The following SLC22A23 variants were observed in gnomAD, a reference collection of about 807,000 sequenced individuals.
SLC22A23 encodes the protein solute carrier family 22 member 23, also known as ion transporter protein.
SLC22A23 carries 26 observed loss-of-function variants against 61.0 expected under a neutral mutation model. That is an observed-to-expected ratio of 0.43 (90% CI 0.31 to 0.59). The LOEUF (loss-of-function observed/expected upper bound fraction) is 0.59, where lower values mean the gene tolerates loss of function less well. Among genes scored for constraint, SLC22A23 ranks in the 20% least tolerant of loss-of-function variants. The probability of loss-of-function intolerance (pLI) is 0.11; values close to 1 mark genes in which losing one functional copy is unlikely to be tolerated. For synonymous variants in SLC22A23, 430 were observed against 413.9 expected, an observed-to-expected ratio of 1.04 and a Z score of -0.47; for missense variants, 796 against 934.7, an observed-to-expected ratio of 0.85 and a Z score of 1.94.
At chr6:3,337,573 A>C (rs1191525446) in intron 3 of SLC22A23, among the ~76,000 whole-genome samples, 2 of 152,194 alleles carry the variant, frequency 1.3e-5, no homozygotes, top group Admixed American at 6.5e-5. Context: ...GCTAGATTTC[A>C]AGCCCAGGCT....
chr6:3,382,618 G>A (rs1410308015), intron 3 of SLC22A23, among the ~76,000 whole-genome samples: 4 of 152,184 alleles, frequency 2.6e-5, no homozygotes, highest in African/African-American at 4.8e-5. Flanking sequence ...ATAGCCTGTG[G>A]GACAAATTTG....
intron 4 of SLC22A23, among the ~76,000 whole-genome samples, chr6:3,319,160 T>G (rs1762807129): frequency 1.3e-5 from 2 of 152,198 alleles, no homozygotes; most frequent in Non-Finnish European, 2.9e-5. Context: ...CTTTGTAGAA[T>G]AAGCCCGTGC....
chr6:3,413,724 A>G (rs1271257940), intron 2 of SLC22A23, among the ~76,000 whole-genome samples: 1 of 152,226 alleles, frequency 6.6e-6, no homozygotes, highest in Admixed American at 6.5e-5. Flanking sequence ...CAGCCATGAA[A>G]CAGGGCCCAT....
chr6:3,286,661 G>A lies in SLC22A23; in HGVS notation c.1546+198C>T, dbSNP rs112429103. 5.9e-5 allele frequency among the ~76,000 whole-genome samples: 9 copies of A among 152,338 alleles called. 1 individual carries two copies. Among genetic ancestry groups the A allele is most frequent in the African/African-American group, 2.2e-4 (9 of 41,564 alleles). ...GCAGCCCGGGCCGGGGCAGGGGCAG[G>A]GGGAGGCGGGAAGGCCCAGTGCCCT... On this transcript the variant is annotated intron_variant, in intron 7 of 9. Transcript: ENST00000406686. The surrounding 1 kb of genome is among the most constrained non-coding windows in gnomAD (Gnocchi z 4.2).
chr6:3,418,697 C>T (rs1284922487), intron 1 of SLC22A23, among the ~76,000 whole-genome samples: 1 of 152,202 alleles, frequency 6.6e-6, no homozygotes, highest in African/African-American at 2.4e-5. Context: ...TTAAACCCTC[C>T]TCAACTAGGC....
At chr6:3,356,173 T>A in intron 3 of SLC22A23, among the ~76,000 whole-genome samples, 1 of 59,732 alleles carries the variant, frequency 1.7e-5, no homozygotes. Flanking sequence ...CAGATACACG[T>A]GACATCAGAA....
chr6:3,349,232 C>T (rs1764623395), intron 3 of SLC22A23, among the ~76,000 whole-genome samples: 1 of 152,226 alleles, frequency 6.6e-6, no homozygotes, highest in Non-Finnish European at 1.5e-5. Flanking sequence ...GCCCTAGCCA[C>T]CAAGCAGCTC....
At chr6:3,412,712 G>T (rs958454353) in intron 2 of SLC22A23, among the ~76,000 whole-genome samples, 1 of 152,176 alleles carries the variant, frequency 6.6e-6, no homozygotes, top group African/African-American at 2.4e-5. Flanking sequence ...TAAGCTTAAG[G>T]ACCCTGAGAT....
intron 1 of SLC22A23, chr6:3,444,949 G>T (rs906259870): frequency 1.0e-6 from 1 of 985,462 alleles, no homozygotes; most frequent in Non-Finnish European, 1.2e-6. Context: ...GACTCATCCC[G>T]GTCGTCCTCA....
rs1250077889 is a variant in SLC22A23, at chr6:3,454,844, G to A, written c.654+1062C>T. On this transcript the variant is annotated intron_variant, in intron 1 of 9. Transcript: ENST00000406686. This position sits in a 1 kb window ranked among gnomAD's most constrained non-coding sequence, Gnocchi z 4.3. Reference sequence around the variant, plus strand: ...AACTGTTAACCAATGCACACGGGGGGAGGAGGTTACATGCACATTGACTAT... The same window carrying A: ...AACTGTTAACCAATGCACACGGGGGAAGGAGGTTACATGCACATTGACTAT... 6.6e-6 allele frequency among the ~76,000 whole-genome samples: 1 copy of A among 152,220 alleles called. No individual in the cohort carries two copies. The highest frequency in any genetic ancestry group is 1.5e-5 in the Non-Finnish European group (1 of 68,040).
intron 3 of SLC22A23, among the ~76,000 whole-genome samples, chr6:3,349,944 G>A (rs1764666732): frequency 1.3e-5 from 2 of 152,288 alleles, no homozygotes; most frequent in South Asian, 4.1e-4. Flanking sequence ...GATGATCACG[G>A]TCGCCTTCAT....
At chr6:3,401,264 G>A (rs1024869766) in intron 3 of SLC22A23, among the ~76,000 whole-genome samples, 1 of 152,324 alleles carries the variant, frequency 6.6e-6, no homozygotes, top group Non-Finnish European at 1.5e-5. Context: ...CTTGAACCTG[G>A]GAGATGGAGG....
chr6:3,439,059 G>GT (rs1771410595), intron 1 of SLC22A23, among the ~76,000 whole-genome samples: 1 of 147,776 alleles, frequency 6.8e-6, no homozygotes, highest in Admixed American at 6.6e-5. Context: ...CAAACTTGCC[G>GT]TATTTGGGGC....
At chr6:3,290,078 C>A in intron 5 of SLC22A23, 3 of 586,364 alleles carry the variant, frequency 5.1e-6, no homozygotes, top group Non-Finnish European at 6.1e-6. Flanking sequence ...AGGTTTCGCT[C>A]GGGTGCCTGA....
chr6:3,269,107 C>T lies in SLC22A23; in HGVS notation c.*3948G>A, dbSNP rs2127268873. Reference sequence around the variant, plus strand: ...ATTCATTTCTTGACGTCTCTAGGAACCTTCAGGCCACGGATCAGCAGAACA... The same window carrying T: ...ATTCATTTCTTGACGTCTCTAGGAATCTTCAGGCCACGGATCAGCAGAACA... On this transcript the variant is annotated 3_prime_UTR_variant, in exon 10 of 10. Transcript: ENST00000406686. The T allele has an allele frequency of 6.6e-6, 1 of 152,410 alleles. No individual in the cohort carries two copies. Among genetic ancestry groups the T allele is most frequent in the African/African-American group, 2.4e-5 (1 of 41,554 alleles). The allele number at this position is 152,410 out of a possible 1,614,324, so 9.4% of individuals were successfully genotyped here. A position where few individuals can be genotyped will look rare whatever the true frequency, so the allele number is the denominator to read the frequency against.
chr6:3,404,583 T>C (rs1387893463), intron 3 of SLC22A23, among the ~76,000 whole-genome samples: 1 of 152,190 alleles, frequency 6.6e-6, no homozygotes, highest in East Asian at 1.9e-4. Context: ...TGGCATGTTG[T>C]GGCTCCCTGC....
At chr6:3,380,006 T>C (rs1002933975) in intron 3 of SLC22A23, among the ~76,000 whole-genome samples, 1 of 152,130 alleles carries the variant, frequency 6.6e-6, no homozygotes, top group Non-Finnish European at 1.5e-5. Flanking sequence ...CACATGCCTG[T>C]GGGAGAGATA....
chr6:3,438,634 T>C (rs897354071), intron 1 of SLC22A23: 1 of 418,944 alleles, frequency 2.4e-6, no homozygotes, highest in Non-Finnish European at 4.8e-6. Context: ...AAGTACCTTT[T>C]ACTTCCAAAC....
At chr6:3,420,025 G>T (rs901662736) in intron 1 of SLC22A23, among the ~76,000 whole-genome samples, 1 of 152,116 alleles carries the variant, frequency 6.6e-6, no homozygotes, top group Non-Finnish European at 1.5e-5. Context: ...CACCTCATCA[G>T]CAGGTTTAAC....
Sources: allele counts gnomAD v4.1 joint callset (sites outside exome capture counted in the v4.1 genomes callset), GRCh38; gene constraint gnomAD v4.1.1; non-coding constraint Gnocchi (gnomAD v3.1); transcripts MANE v1.5; gene names NCBI Gene and HGNC (gene_info 2026-07-23, HGNC 2026-07-21).